The following DNER variants were observed in gnomAD, a reference collection of about 807,000 sequenced individuals.
DNER encodes the protein delta and Notch-like epidermal growth factor-related receptor.
DNER carries 33 observed loss-of-function variants against 78.2 expected under a neutral mutation model. The ratio of observed to expected loss-of-function variants is 0.42; its 90% CI spans 0.32 to 0.56. The LOEUF is 0.56. Ranked by LOEUF, DNER falls within the 20% of genes least tolerant of loss-of-function variation. DNER has a pLI of 0.11. For missense variants in DNER, 918 were observed against 975.3 expected (o/e 0.94, Z 0.78); for synonymous variants, 417 against 384.8 (o/e 1.08, Z -0.98).
chr2:229,401,884 A>G (rs1483784891), intron 10 of DNER, among the ~76,000 whole-genome samples: 2 of 152,186 alleles, frequency 1.3e-5, no homozygotes, highest in Non-Finnish European at 2.9e-5. Context: ...TTGTTTTCTA[A>G]CAAATGTAGC....
intron 1 of DNER, among the ~76,000 whole-genome samples, chr2:229,608,018 T>C (rs1346366496): frequency 1.4e-5 from 1 of 73,988 alleles, no homozygotes; most frequent in African/African-American, 5.0e-5. Context: ...CGAAACTCTG[T>C]CTCAAAAAAA....
chr2:229,613,744 C>T (rs1286967054), intron 1 of DNER, among the ~76,000 whole-genome samples: 1 of 151,754 alleles, frequency 6.6e-6, no homozygotes, highest in Non-Finnish European at 1.5e-5. Flanking sequence ...AAAGACATTT[C>T]ATTTACTTTA....
Position 229,650,455 on chromosome 2 carries a change from T to A in DNER, c.277-58567A>T, listed in dbSNP as rs114702974. 3.1e-3 allele frequency among the ~76,000 whole-genome samples: 467 copies of A among 152,314 alleles called. 4 individuals are homozygous for A. Among genetic ancestry groups the A allele is most frequent in the African/African-American group, 0.011 (447 of 41,572 alleles). On this transcript the variant is annotated intron_variant, in intron 1 of 12. Coordinates refer to ENST00000341772, the MANE Select transcript of DNER (RefSeq NM_139072.4). ...ACACATTTCCGTAATTTGGCAAACT[T>A]GCCTAGGGCTACTCCTGAAAAGCAG...
At chr2:229,360,459 G>T (rs1692186314) in intron 12 of DNER, among the ~76,000 whole-genome samples, 1 of 152,238 alleles carries the variant, frequency 6.6e-6, no homozygotes, top group Admixed American at 6.5e-5. Context: ...TGCCCAGGCT[G>T]GAGTGCAGTG....
intron 1 of DNER, among the ~76,000 whole-genome samples, chr2:229,643,327 T>C (rs1698660618): frequency 6.6e-6 from 1 of 152,218 alleles, no homozygotes; most frequent in Admixed American, 6.5e-5. Flanking sequence ...TCCCAGTGAA[T>C]ACTGTGATGA....
intron 12 of DNER, among the ~76,000 whole-genome samples, chr2:229,365,018 T>C (rs1438841327): frequency 1.3e-5 from 2 of 152,104 alleles, no homozygotes; most frequent in Non-Finnish European, 2.9e-5. Context: ...GTTGCTGTTA[T>C]GATACATTTA....
intron 1 of DNER, among the ~76,000 whole-genome samples, chr2:229,697,316 T>G (rs562360406): frequency 2.0e-4 from 31 of 152,332 alleles, no homozygotes; most frequent in African/African-American, 7.5e-4. Flanking sequence ...GGAGACAGAA[T>G]GCAGATTGGT....
chr2:229,524,120 A>G (rs1169171450), intron 5 of DNER, among the ~76,000 whole-genome samples: 2 of 152,250 alleles, frequency 1.3e-5, no homozygotes. Context: ...TCGTAAATTG[A>G]AAAGCTGACA....
At chr2:229,388,450 A>C in intron 10 of DNER, 54 bp from the exon 11 acceptor site, 2 of 1,517,690 alleles carry the variant, frequency 1.3e-6, no homozygotes, top group Non-Finnish European at 1.8e-6. Flanking sequence ...GGTTCCTGTC[A>C]TTTTTCTGGC....
chr2:229,665,729 T>C (rs180831468), intron 1 of DNER, among the ~76,000 whole-genome samples: 1 of 152,304 alleles, frequency 6.6e-6, no homozygotes, highest in African/African-American at 2.4e-5. Context: ...GGGCCTAATA[T>C]AGATTCCAAC....
rs764427613 is a variant in DNER at position 229,591,895 on chromosome 2, C to T, written c.277-7G>A. ...CACAAGGATCTGCAACAAGCTGAAA[C>T]GAGACCATAAATGGGTCAATTATTC... On this transcript the variant is annotated splice_polypyrimidine_tract_variant and splice_region_variant and intron_variant, in intron 1 of 12. Transcript: ENST00000341772. This position sits in a 1 kb window ranked among gnomAD's most constrained non-coding sequence, Gnocchi z 4.6. 48 of 1,539,698 alleles carry T rather than the reference C, an allele frequency of 3.1e-5. No homozygotes were observed. Among genetic ancestry groups the T allele is most frequent in the African/African-American group, 6.9e-5 (5 of 72,822 alleles).
intron 8 of DNER, among the ~76,000 whole-genome samples, chr2:229,445,606 T>C (rs1214345380): frequency 6.6e-6 from 1 of 152,180 alleles, no homozygotes; most frequent in Non-Finnish European, 1.5e-5. Flanking sequence ...TCCAAACAGC[T>C]GAGGACCTTA....
rs1696641069 is a variant in DNER, at chr2:229,546,963, G to A, written c.977C>T (p.Thr326Ile). ...DLECSGKGKC[T>I]TKPSEATFSC... ...TCCCCTTACCTCTGACGGCTTCGTG[G>A]TGCATTTTCCTTTTCCTGAACACTC... The change falls in exon 5 of 13, where the codon ACC becomes ATC. Residue 326 changes from threonine to isoleucine, a missense_variant. By Grantham distance (89) the Thr-to-Ile change is moderately conservative. Coordinates refer to ENST00000341772, the MANE Select transcript of DNER (RefSeq NM_139072.4). The A allele has an allele frequency of 2.5e-6, 4 of 1,614,006 alleles. No homozygotes were observed. The highest frequency in any genetic ancestry group is 2.5e-6 in the Non-Finnish European group (3 of 1,180,018).
chr2:229,396,599 C>G (rs887757124), intron 10 of DNER, among the ~76,000 whole-genome samples: 1 of 152,072 alleles, frequency 6.6e-6, no homozygotes, highest in Non-Finnish European at 1.5e-5. Context: ...TAAAAGTTAC[C>G]AATGGAACTT....
intron 1 of DNER, among the ~76,000 whole-genome samples, chr2:229,602,106 C>A (rs1279079975): frequency 6.6e-6 from 1 of 152,020 alleles, no homozygotes; most frequent in East Asian, 1.9e-4. Flanking sequence ...CAGAGACACT[C>A]ATACATCCTA....
chr2:229,448,226 G>A (rs181878755), intron 7 of DNER, among the ~76,000 whole-genome samples: 1 of 152,140 alleles, frequency 6.6e-6, no homozygotes, highest in East Asian at 1.9e-4. Context: ...TGACATGAAT[G>A]AATGTCAAAA....
At chr2:229,472,865 T>C (rs796569633) in intron 7 of DNER, among the ~76,000 whole-genome samples, 7 of 152,258 alleles carry the variant, frequency 4.6e-5, no homozygotes, top group African/African-American at 1.7e-4. Context: ...TCAGGAGAAA[T>C]ACAGAACCTG....
At chr2:229,561,936 A>T (rs1415992063) in intron 4 of DNER, among the ~76,000 whole-genome samples, 1 of 152,162 alleles carries the variant, frequency 6.6e-6, no homozygotes, top group Non-Finnish European at 1.5e-5. Flanking sequence ...ACAAGGACCG[A>T]GCACGCGCCC....
In DNER at chr2:229,688,514, G is replaced by T. The variant is rs555961559; in HGVS notation, c.276+25634C>A. 2.6e-5 allele frequency among the ~76,000 whole-genome samples: 4 copies of T among 152,280 alleles called. No individual in the cohort carries two copies. The South Asian group carries it at 6.2e-4, about 24-fold the overall frequency. On this transcript the variant is annotated intron_variant, in intron 1 of 12. Transcript: ENST00000341772. ...TTTGGGTTCCTGGGATCCCACATCC[G>T]TAGTTTGTGGAAGATGCCGCTAGAT...
Sources: gnomAD v4.1 joint callset for allele counts (sites outside exome capture counted in the v4.1 genomes callset) on GRCh38, gnomAD v4.1.1 for gene constraint, Gnocchi (gnomAD v3.1) non-coding constraint, MANE v1.5 for transcripts, NCBI Gene and HGNC (gene_info 2026-07-23, HGNC 2026-07-21) for gene names.